MACROD2: variants seen among roughly 807,000 people sequenced by gnomAD.
MACROD2 encodes mono-ADP ribosylhydrolase 2, also known as ADP-ribose glycohydrolase MACROD2.
A neutral mutation model predicts 70.4 loss-of-function variants in MACROD2; 36 were observed. That is an observed-to-expected ratio of 0.51 (90% CI 0.39 to 0.68). The LOEUF (loss-of-function observed/expected upper bound fraction) is 0.68, where lower values mean the gene tolerates loss of function less well. Among genes scored for constraint, MACROD2 ranks in the 30% least tolerant of loss-of-function variants. The pLI is 0.00. For missense variants in MACROD2, 496 were observed against 538.4 expected, an observed-to-expected ratio of 0.92 and a Z score of 0.78; for synonymous variants, 172 against 178.8, an observed-to-expected ratio of 0.96 and a Z score of 0.30.
chr20:15,799,524 A>T (rs1264665862), intron 8 of MACROD2, among the ~76,000 whole-genome samples: 1 of 152,194 alleles, frequency 6.6e-6, no homozygotes, highest in Non-Finnish European at 1.5e-5. Context: ...GCTTCCACAT[A>T]TGAGTGAAAA....
chr20:14,770,984 C>G (rs2072157487), intron 5 of MACROD2, among the ~76,000 whole-genome samples: 1 of 152,008 alleles, frequency 6.6e-6, no homozygotes, highest in African/African-American at 2.4e-5. Flanking sequence ...TAAATGTTAA[C>G]TCTTGGTGGC....
intron 5 of MACROD2, among the ~76,000 whole-genome samples, chr20:15,018,374 A>G (rs2075137824): frequency 1.3e-5 from 2 of 152,158 alleles, no homozygotes; most frequent in African/African-American, 4.8e-5. Context: ...TTTATTATCC[A>G]TATTGCTCTC....
chr20:15,056,582 T>C (rs1481187950), intron 5 of MACROD2, among the ~76,000 whole-genome samples: 1 of 152,136 alleles, frequency 6.6e-6, no homozygotes, highest in Non-Finnish European at 1.5e-5. Context: ...AACTACTTGG[T>C]TCAACAGTAA....
chr20:15,581,809 T>A (rs551528421), intron 8 of MACROD2, among the ~76,000 whole-genome samples: 1 of 152,018 alleles, frequency 6.6e-6, no homozygotes, highest in Non-Finnish European at 1.5e-5. Context: ...TATGTGAGTA[T>A]TGGAAAAACA....
At chr20:15,187,436 G>T (rs1174042944) in intron 5 of MACROD2, among the ~76,000 whole-genome samples, 1 of 152,174 alleles carries the variant, frequency 6.6e-6, no homozygotes, top group South Asian at 2.1e-4. Context: ...ATCAACTAAA[G>T]TCAGCCTAGG....
Position 14,481,069 on chromosome 20 carries a change from A to T in MACROD2, c.272-12410A>T, listed in dbSNP as rs1279317673. 2.0e-5 allele frequency among the ~76,000 whole-genome samples: 3 copies of T among 152,252 alleles called. No individual in the cohort carries two copies. The South Asian group carries it at 6.2e-4, about 32-fold the overall frequency. On this transcript the variant is annotated intron_variant, in intron 3 of 17. Transcript: ENST00000684519. ...AAGTCAAGAATGAGGAGTGCTAACG[A>T]TAGAAAACTTAGGACAAATGAAAAC...
chr20:14,834,078 T>C (rs2073001410), intron 5 of MACROD2, among the ~76,000 whole-genome samples: 1 of 152,108 alleles, frequency 6.6e-6, no homozygotes, highest in Non-Finnish European at 1.5e-5. Context: ...TAAATGAAAC[T>C]ACATAATATA....
chr20:14,581,296 C>T (rs2123347763), intron 4 of MACROD2, among the ~76,000 whole-genome samples: 1 of 152,312 alleles, frequency 6.6e-6, no homozygotes, highest in Non-Finnish European at 1.5e-5. Context: ...CATGTTCTAG[C>T]CACACTCCAG....
chr20:15,704,112 A>G (rs913100085), intron 8 of MACROD2, among the ~76,000 whole-genome samples: 4 of 151,934 alleles, frequency 2.6e-5, no homozygotes, highest in Admixed American at 6.6e-5. Flanking sequence ...TGCCTTTGCT[A>G]TTGTTTTCCT....
Position 14,906,866 on chromosome 20 carries a change from A to G in MACROD2, c.418+221907A>G, listed in dbSNP as rs577192638. Among the ~76,000 whole-genome samples the G allele has an allele frequency of 1.4e-4, 22 of 152,298 alleles. No homozygotes were observed. The East Asian group carries it at 4.2e-3, about 29-fold the overall frequency. On this transcript the variant is annotated intron_variant, in intron 5 of 17. Coordinates refer to ENST00000684519, the MANE Select transcript of MACROD2 (RefSeq NM_001351661.2). ...TACAGTATTTGTTAATTAATTTAAC[A>G]AACATTTTTGGGGTGCTGAGGTAAA... is the stretch of plus-strand genomic sequence containing the variant.
chr20:15,763,164 C>G (rs1032275850), intron 8 of MACROD2, among the ~76,000 whole-genome samples: 4 of 152,086 alleles, frequency 2.6e-5, no homozygotes, highest in Non-Finnish European at 1.5e-5. Context: ...TAAAGGGACC[C>G]TCTGCGCACC....
At chr20:15,983,149 T>TTAA (rs1601268950) in intron 13 of MACROD2, among the ~76,000 whole-genome samples, 1 of 152,378 alleles carries the variant, frequency 6.6e-6, no homozygotes, top group East Asian at 1.9e-4. Flanking sequence ...TTTTATTGAC[T>TTAA]GTCATCTACT....
In MACROD2 at chr20:14,388,732, G is replaced by A. The variant is rs539860879; in HGVS notation, c.272-104747G>A. On this transcript the variant is annotated intron_variant, in intron 3 of 17. Transcript: ENST00000684519. ...TCAAGCAATTCTATTTTTTTTTAAT[G>A]TTGTGACTTCTCTGCTTCTTGCAAG... 3.3e-5 allele frequency among the ~76,000 whole-genome samples: 5 copies of A among 152,096 alleles called. No individual in the cohort carries two copies. The East Asian group carries it at 9.7e-4, about 29-fold the overall frequency.
intron 5 of MACROD2, among the ~76,000 whole-genome samples, chr20:14,883,437 C>G (rs1271001057): frequency 6.6e-6 from 1 of 152,080 alleles, no homozygotes; most frequent in Non-Finnish European, 1.5e-5. Context: ...GTTTCTGGCT[C>G]TGTGGTAAGC....
chr20:15,956,874 T>C (rs894460032), intron 12 of MACROD2, among the ~76,000 whole-genome samples: 1 of 152,216 alleles, frequency 6.6e-6, no homozygotes, highest in Non-Finnish European at 1.5e-5. Flanking sequence ...GAATGTTTTA[T>C]GTTTGAAAAA....
chr20:16,037,315 A>C lies in MACROD2; in HGVS notation c.1154-3886A>C, dbSNP rs376563146. ...TGTTTAATAGACTAGAATTATGCCTATTAGATAGAAAGTTCTCTGTGATAC... is the reference window on the plus strand; with the variant it reads ...TGTTTAATAGACTAGAATTATGCCTCTTAGATAGAAAGTTCTCTGTGATAC... On this transcript the variant is annotated intron_variant, in intron 15 of 17. Coordinates refer to ENST00000684519, the MANE Select transcript of MACROD2 (RefSeq NM_001351661.2). Among the ~76,000 whole-genome samples, 8 of 152,080 alleles carry C rather than the reference A, an allele frequency of 5.3e-5. No homozygotes were observed. The East Asian group carries it at 1.4e-3, about 26-fold the overall frequency.
chr20:15,455,981 G>A (rs1326767515), intron 7 of MACROD2, among the ~76,000 whole-genome samples: 2 of 152,102 alleles, frequency 1.3e-5, no homozygotes, highest in African/African-American at 4.8e-5. Context: ...AAGCCTGAGG[G>A]ATAGCTCTGT....
At chr20:15,275,054 G>A (rs1488003996) in intron 6 of MACROD2, among the ~76,000 whole-genome samples, 1 of 152,120 alleles carries the variant, frequency 6.6e-6, no homozygotes, top group African/African-American at 2.4e-5. Context: ...GGTGACTGGG[G>A]GTGGGGGAGG....
chr20:15,067,554 T>C (rs749610565), intron 5 of MACROD2, among the ~76,000 whole-genome samples: 1 of 152,108 alleles, frequency 6.6e-6, no homozygotes, highest in Non-Finnish European at 1.5e-5. Flanking sequence ...TTCACCATGT[T>C]GTCTAGGCTG....
Sources: gnomAD v4.1 joint callset for allele counts (sites outside exome capture counted in the v4.1 genomes callset) on GRCh38, gnomAD v4.1.1 for gene constraint, MANE v1.5 for transcripts, NCBI Gene and HGNC (gene_info 2026-07-23, HGNC 2026-07-21) for gene names.